OAS2: variants seen among roughly 807,000 people sequenced by gnomAD.
OAS2 encodes the protein 2'-5'-oligoadenylate synthase 2.
In OAS2, 67 loss-of-function variants were observed where a neutral mutation model predicts 71.3. The ratio of observed to expected loss-of-function variants is 0.94; its 90% CI spans 0.77 to 1.15. The LOEUF (loss-of-function observed/expected upper bound fraction) is 1.15. Among genes scored for constraint, OAS2 ranks in the 50% most tolerant of loss-of-function variants. The probability of loss-of-function intolerance (pLI) is 0.00; values close to 1 mark genes in which losing one functional copy is unlikely to be tolerated. For synonymous variants in OAS2, 327 were observed against 321.8 expected (o/e 1.02, Z -0.17); for missense variants, 789 against 822.5 (o/e 0.96, Z 0.50).
intron 2 of OAS2, among the ~76,000 whole-genome samples, chr12:112,991,228 T>A (rs1320496225): frequency 6.6e-6 from 1 of 152,250 alleles, no homozygotes; most frequent in East Asian, 1.9e-4. Flanking sequence ...CAACTCATCC[T>A]TTAAGTCCTC....
intron 2 of OAS2, among the ~76,000 whole-genome samples, chr12:112,989,587 G>A (rs758275474): frequency 1.1e-4 from 16 of 152,246 alleles, no homozygotes; most frequent in Non-Finnish European, 1.8e-4. Context: ...ATAAAGGGTT[G>A]TGGAGACCAA....
At position 113,010,211 on chromosome 12, in the gene OAS2, G is replaced by A; in HGVS notation, c.*956G>A. On this transcript the variant is annotated 3_prime_UTR_variant, in exon 10 of 10. Transcript: ENST00000392583. ...GGTGGCCAAGCCAACCGTGGGGTTAGCTCTAATTATTAAGATATGCATTAT... is the reference window on the plus strand; with the variant it reads ...GGTGGCCAAGCCAACCGTGGGGTTAACTCTAATTATTAAGATATGCATTAT... 2 of 1,415,506 alleles carry A rather than the reference G, an allele frequency of 1.4e-6. No homozygotes were observed. Among genetic ancestry groups the A allele is most frequent in the Non-Finnish European group, 1.8e-6 (2 of 1,089,418 alleles). 87.7% of individuals were successfully genotyped at this position (1,415,506 alleles called of 1,614,324 possible).
intron 1 of OAS2, 83 bp from the exon 2 acceptor site, chr12:112,986,955 G>C: frequency 6.6e-7 from 1 of 1,519,340 alleles, no homozygotes; most frequent in Non-Finnish European, 8.8e-7. Context: ...GCTTTTACTT[G>C]AGTTGAGAAA....
chr12:112,987,930 A>G, intron 2 of OAS2: 1 of 985,524 alleles, frequency 1.0e-6, no homozygotes, highest in Non-Finnish European at 1.2e-6. Flanking sequence ...ACACTCTTGC[A>G]TATTGTTAAA....
chr12:112,996,114 T>A (rs1237974907), intron 3 of OAS2, among the ~76,000 whole-genome samples: 1 of 152,216 alleles, frequency 6.6e-6, no homozygotes, highest in Non-Finnish European at 1.5e-5. Context: ...AGTAGCACTT[T>A]TTTTCATTGT....
At chr12:112,988,090 T>C (rs1281374486) in intron 2 of OAS2, 20 of 985,422 alleles carry the variant, frequency 2.0e-5, no homozygotes, top group African/African-American at 1.9e-4. Flanking sequence ...CCAATTATAA[T>C]TGCAGAATAT....
rs186279134 is a variant in OAS2, at chr12:112,978,879, C to T, written c.177+94C>T. 432 of 1,223,234 alleles carry T rather than the reference C, an allele frequency of 3.5e-4. 1 individual carries two copies. Among genetic ancestry groups the T allele is most frequent in the Non-Finnish European group, 1.4e-4 (127 of 880,904 alleles). 75.8% of individuals were successfully genotyped at this position (1,223,234 alleles called of 1,614,324 possible). ...CTGGGTGCTGGGTGCCTATTATGTG[C>T]GAGGCCCACACTTGGGTGGGATGTG... On this transcript the variant is annotated intron_variant, in intron 1 of 9. Coordinates refer to ENST00000392583, the MANE Select transcript of OAS2 (RefSeq NM_002535.3). The surrounding 1 kb of genome is among the most constrained non-coding windows in gnomAD (Gnocchi z 4.2).
At chr12:112,979,949 C>T (rs924531236) in intron 1 of OAS2, among the ~76,000 whole-genome samples, 3 of 152,208 alleles carry the variant, frequency 2.0e-5, no homozygotes, top group Non-Finnish European at 4.4e-5. Context: ...AACCAGGATG[C>T]ATGGGTGAAC....
At chr12:112,991,164 A>T (rs75663846) in intron 2 of OAS2, among the ~76,000 whole-genome samples, 1 of 152,110 alleles carries the variant, frequency 6.6e-6, no homozygotes, top group Non-Finnish European at 1.5e-5. Flanking sequence ...TTTGGCCTAT[A>T]CTGTTCCTTT....
At chr12:112,995,176 G>T in intron 2 of OAS2, 120 bp from the exon 3 acceptor site, 1 of 849,060 alleles carries the variant, frequency 1.2e-6, no homozygotes. Context: ...CCTGTCCTCT[G>T]ACCGATTAAG....
At chr12:112,979,654 C>G (rs183410228) in intron 1 of OAS2, among the ~76,000 whole-genome samples, 1 of 152,156 alleles carries the variant, frequency 6.6e-6, no homozygotes, top group East Asian at 1.9e-4. Context: ...AGAAAAAGTG[C>G]CCAGATCAAA....
intron 1 of OAS2, among the ~76,000 whole-genome samples, chr12:112,981,529 G>C (rs1424567777): frequency 1.3e-5 from 2 of 152,040 alleles, no homozygotes; most frequent in Non-Finnish European, 2.9e-5. Context: ...CTGTAAATTT[G>C]TGGATTTGTT....
intron 5 of OAS2, among the ~76,000 whole-genome samples, 174 bp downstream of exon 5, chr12:112,998,584 T>C (rs2044256445): frequency 6.6e-6 from 1 of 152,240 alleles, no homozygotes; most frequent in African/African-American, 2.4e-5. Flanking sequence ...ATTCTGGCTA[T>C]TACAAGTTCA....
Position 112,998,273 on chromosome 12 carries a change from A to G in OAS2, c.871A>G (p.Ile291Val), listed in dbSNP as rs1436436378. 6.2e-7 allele frequency: 1 copy of G among 1,612,928 alleles called. No homozygotes were observed. ...ATCTAATGGAATACACAGGCCAGTA[A>G]TCTTGGATCCAGTTGACCCAACCAA... ...LHQLQSARPV[I>V]LDPVDPTNNV... is the part of the protein sequence containing the mutation. Residue 291 changes from isoleucine to valine, a missense_variant, in exon 5 of 10, where the codon ATC (isoleucine) becomes GTC (valine). Transcript: ENST00000392583.
In OAS2 at chr12:112,998,363, T is replaced by C. The variant is rs1020428675; in HGVS notation, c.961T>C (p.Ser321Pro). The stretch of plus-strand genomic sequence containing the variant: ...AAAAGAAGCTCAAACCTGGTTGACT[T>C]CTCCCAACCTGGATAATGAGTTACC... ...LKKEAQTWLT[S>P]PNLDNELPAP... Residue 321 changes from serine to proline, a missense_variant, in exon 5 of 10, where the codon TCT becomes CCT. Coordinates refer to ENST00000392583, the MANE Select transcript of OAS2 (RefSeq NM_002535.3). 6.2e-7 allele frequency: 1 copy of C among 1,610,210 alleles called. No individual in the cohort carries two copies.
At chr12:113,000,628 CACACACGT>C (rs1263541720) in intron 5 of OAS2, among the ~76,000 whole-genome samples, 17 of 150,920 alleles carry the variant, frequency 1.1e-4, no homozygotes, top group Non-Finnish European at 2.4e-4. Context: ...CACACACATG[CACACACGT>C]ACTCACACCA....
rs1221151508 is a variant in OAS2 at position 112,991,292 on chromosome 12, G to C, written c.448+3984G>C. Among the ~76,000 whole-genome samples, 6 of 152,354 alleles carry C rather than the reference G, an allele frequency of 3.9e-5. No individual in the cohort carries two copies. The East Asian group carries it at 1.2e-3, about 29-fold the overall frequency. On this transcript the variant is annotated intron_variant, in intron 2 of 9. Transcript: ENST00000392583. The stretch of plus-strand genomic sequence containing the variant: ...TTTCCACATGCTCCAGTAGCAATTT[G>C]TGCTGTCTGAATCATGGGATTTATC...
Position 113,010,549 on chromosome 12 carries a change from C to T in OAS2, c.*1294C>T. 2 of 1,586,240 alleles carry T rather than the reference C, an allele frequency of 1.3e-6. No individual in the cohort carries two copies. The highest frequency in any genetic ancestry group is 2.3e-5 in the South Asian group (2 of 87,406). On this transcript the variant is annotated 3_prime_UTR_variant, in exon 10 of 10. Coordinates refer to ENST00000392583, the MANE Select transcript of OAS2 (RefSeq NM_002535.3). Reference sequence around the variant, plus strand: ...TGAGAAAGAGTCACTCACATCCATTCTTCCCTTGATGGTCCCTATTCCTCC... The same window carrying T: ...TGAGAAAGAGTCACTCACATCCATTTTTCCCTTGATGGTCCCTATTCCTCC...
chr12:112,986,708 C>T (rs2044140265), intron 1 of OAS2, among the ~76,000 whole-genome samples: 1 of 151,742 alleles, frequency 6.6e-6, no homozygotes. Flanking sequence ...CCCCCATTCC[C>T]CCAGATGCGC....
Sources: gnomAD v4.1 joint callset for allele counts (sites outside exome capture counted in the v4.1 genomes callset) on GRCh38, gnomAD v4.1.1 for gene constraint, Gnocchi (gnomAD v3.1) non-coding constraint, MANE v1.5 for transcripts, NCBI Gene and HGNC (gene_info 2026-07-23, HGNC 2026-07-21) for gene names.